RAB11FIP4: variants seen among roughly 807,000 people sequenced by gnomAD.
RAB11FIP4 encodes the protein RAB11 family interacting protein 4.
In RAB11FIP4, 23 loss-of-function variants were observed where a neutral mutation model predicts 74.3. That is an observed-to-expected ratio of 0.31 (90% CI 0.22 to 0.44). The LOEUF is 0.44. RAB11FIP4 is among the 20% of genes least tolerant of loss of function. The probability of loss-of-function intolerance (pLI) is 1.00; values close to 1 mark genes in which losing one functional copy is unlikely to be tolerated. For missense variants in RAB11FIP4, 630 were observed against 863.9 expected (o/e 0.73, Z 3.39); for synonymous variants, 360 against 359.9 (o/e 1.00, Z 0.00).
At chr17:31,524,755 G>A (rs1327315857) in intron 9 of RAB11FIP4, 4 of 349,368 alleles carry the variant, frequency 1.1e-5, no homozygotes, top group South Asian at 7.2e-5. Context: ...AATCAGAGGG[G>A]TGGCCGGGAA....
chr17:31,447,610 C>G (rs1449929514), intron 3 of RAB11FIP4, among the ~76,000 whole-genome samples: 2 of 152,166 alleles, frequency 1.3e-5, no homozygotes, highest in Admixed American at 6.5e-5. Flanking sequence ...GCAACCTCCG[C>G]CTCCCGGGTT....
At chr17:31,461,784 C>A (rs1021884044) in intron 3 of RAB11FIP4, among the ~76,000 whole-genome samples, 4 of 151,630 alleles carry the variant, frequency 2.6e-5, no homozygotes, top group Non-Finnish European at 4.4e-5. Context: ...GTGGCACGAT[C>A]TCGACTCACT....
At chr17:31,426,085 C>T (rs534050039) in intron 1 of RAB11FIP4, among the ~76,000 whole-genome samples, 7 of 152,238 alleles carry the variant, frequency 4.6e-5, no homozygotes, top group African/African-American at 1.2e-4. Flanking sequence ...TGATCCAAGG[C>T]GAGGGGTCCC....
At chr17:31,436,932 T>C (rs1054817857) in intron 3 of RAB11FIP4, among the ~76,000 whole-genome samples, 2 of 151,818 alleles carry the variant, frequency 1.3e-5, no homozygotes, top group East Asian at 1.9e-4. Context: ...GGACTACAGG[T>C]GCCCGCCACC....
intron 3 of RAB11FIP4, among the ~76,000 whole-genome samples, chr17:31,494,769 A>G (rs548659273): frequency 2.5e-3 from 373 of 152,048 alleles, no homozygotes; most frequent in African/African-American, 8.5e-3. Flanking sequence ...GAGCCTCTGC[A>G]CCCAGCCAGC....
At chr17:31,471,501 A>G (rs1296878206) in intron 3 of RAB11FIP4, among the ~76,000 whole-genome samples, 1 of 152,138 alleles carries the variant, frequency 6.6e-6, no homozygotes, top group Non-Finnish European at 1.5e-5. Flanking sequence ...CAAGCCCCCA[A>G]CAACCTCGTG....
chr17:31,441,599 C>T (rs2071407625), intron 3 of RAB11FIP4, among the ~76,000 whole-genome samples: 1 of 151,474 alleles, frequency 6.6e-6, no homozygotes, highest in Non-Finnish European at 1.5e-5. Flanking sequence ...GTGATCTCGG[C>T]TCACTGCAAT....
intron 1 of RAB11FIP4, among the ~76,000 whole-genome samples, chr17:31,400,591 G>C (rs1404494163): frequency 2.6e-5 from 4 of 152,254 alleles, no homozygotes; most frequent in Admixed American, 2.6e-4. Context: ...ACCAAGGCTA[G>C]TTCTTCACCC....
chr17:31,427,379 G>A (rs764750199), intron 1 of RAB11FIP4, among the ~76,000 whole-genome samples: 1 of 152,196 alleles, frequency 6.6e-6, no homozygotes, highest in South Asian at 2.1e-4. Context: ...GGGCCATGGC[G>A]TGGGTGCTTC....
intron 3 of RAB11FIP4, among the ~76,000 whole-genome samples, chr17:31,444,752 A>G (rs1011698857): frequency 2.6e-5 from 4 of 152,138 alleles, no homozygotes; most frequent in Non-Finnish European, 4.4e-5. Context: ...AGCAGGAGGG[A>G]AAAATTTGGG....
intron 3 of RAB11FIP4, among the ~76,000 whole-genome samples, chr17:31,480,788 C>T (rs538619701): frequency 1.6e-3 from 190 of 115,818 alleles, no homozygotes; most frequent in Non-Finnish European, 2.7e-3. Context: ...CTCCAGACTC[C>T]GTCTCAAAAA....
intron 1 of RAB11FIP4, among the ~76,000 whole-genome samples, chr17:31,421,734 T>G (rs185686840): frequency 6.6e-6 from 1 of 151,438 alleles, no homozygotes; most frequent in Non-Finnish European, 1.5e-5. Flanking sequence ...ATTTTTTGTA[T>G]TTTTAGTAGG....
chr17:31,418,966 C>T (rs2071173831), intron 1 of RAB11FIP4, among the ~76,000 whole-genome samples: 1 of 152,158 alleles, frequency 6.6e-6, no homozygotes, highest in African/African-American at 2.4e-5. Context: ...CCTCCTCGCT[C>T]TTGGCACCCA....
At chr17:31,433,995 C>T in intron 2 of RAB11FIP4, 39 bp from the exon 3 acceptor site, 2 of 1,541,262 alleles carry the variant, frequency 1.3e-6, no homozygotes, top group South Asian at 1.2e-5. Context: ...GGCTGAGGCT[C>T]AACCCCTCAC....
chr17:31,511,193 A>ATGAATGG (rs997775868), intron 3 of RAB11FIP4, among the ~76,000 whole-genome samples: 4 of 152,282 alleles, frequency 2.6e-5, no homozygotes, highest in African/African-American at 9.6e-5. Context: ...TGCAGAGCTC[A>ATGAATGG]TGAATGGTGA....
chr17:31,445,582 T>A (rs1181855559), intron 3 of RAB11FIP4, among the ~76,000 whole-genome samples: 322 of 9,122 alleles, frequency 0.035, 1 homozygote, highest in Middle Eastern at 0.056. Flanking sequence ...ATATATATTT[T>A]TTTTTTTTTT....
intron 1 of RAB11FIP4, among the ~76,000 whole-genome samples, chr17:31,399,219 G>A (rs1296582504): frequency 1.3e-5 from 2 of 152,206 alleles, no homozygotes; most frequent in East Asian, 3.9e-4. Context: ...GGCTGAGATA[G>A]ACTCTTAGAG....
intron 3 of RAB11FIP4, among the ~76,000 whole-genome samples, chr17:31,445,600 T>TGACACGGAGTC (rs2071455915): frequency 3.9e-5 from 3 of 77,064 alleles, no homozygotes; most frequent in Admixed American, 1.8e-4. Context: ...TTTTTTTTTT[T>TGACACGGAGTC]TTTGACACGG....
At chr17:31,429,205 GC>G (rs939250853) in intron 1 of RAB11FIP4, among the ~76,000 whole-genome samples, 10 of 152,284 alleles carry the variant, frequency 6.6e-5, no homozygotes, top group Admixed American at 5.9e-4. Flanking sequence ...CAGGGTCCTT[GC>G]CCTTAGGGAG....
Sources: gnomAD v4.1 joint callset for allele counts (sites outside exome capture counted in the v4.1 genomes callset) on GRCh38, gnomAD v4.1.1 for gene constraint, MANE v1.5 for transcripts, NCBI Gene and HGNC (gene_info 2026-07-23, HGNC 2026-07-21) for gene names.